The following SYNPR variants were observed in gnomAD, a reference collection of about 807,000 sequenced individuals.
SYNPR encodes synaptoporin.
In SYNPR, 23 loss-of-function variants were observed where a neutral mutation model predicts 32.9. The observed-to-expected ratio is 0.70, with a 90% CI of 0.50 to 0.99. The LOEUF is 0.99. Among genes scored for constraint, SYNPR ranks in the 50% least tolerant of loss-of-function variants. The pLI, the probability that SYNPR is intolerant of heterozygous loss-of-function variation, is 0.00. For synonymous variants in SYNPR, 146 were observed against 135.9 expected (o/e 1.07, Z -0.52); for missense variants, 318 against 349.3 (o/e 0.91, Z 0.71).
intron 2 of SYNPR, among the ~76,000 whole-genome samples, chr3:63,410,571 G>A (rs953458732): frequency 3.3e-5 from 5 of 152,120 alleles, no homozygotes; most frequent in Admixed American, 6.6e-5. Flanking sequence ...CATTGGTCAT[G>A]TTTTCCCTCA....
intron 5 of SYNPR, among the ~76,000 whole-genome samples, chr3:63,612,114 A>T (rs1207348497): frequency 1.3e-5 from 2 of 152,198 alleles, no homozygotes; most frequent in Admixed American, 1.3e-4. Context: ...CAGATACTAC[A>T]AATACTGGGA....
At chr3:63,316,703 CTTTTGTA>C (rs1309077701) in intron 2 of SYNPR, among the ~76,000 whole-genome samples, 1 of 151,604 alleles carries the variant, frequency 6.6e-6, no homozygotes, top group Non-Finnish European at 1.5e-5. Context: ...TTTCATTTAT[CTTTTGTA>C]TTTTTTGCTT....
At chr3:63,312,016 C>T (rs901196369) in intron 2 of SYNPR, among the ~76,000 whole-genome samples, 42 of 151,818 alleles carry the variant, frequency 2.8e-4, no homozygotes, top group African/African-American at 8.9e-4. Context: ...ACAGGATGGT[C>T]CCTTTTAGAA....
At chr3:63,431,824 G>A (rs554927019) in intron 2 of SYNPR, among the ~76,000 whole-genome samples, 59 of 135,014 alleles carry the variant, frequency 4.4e-4, no homozygotes, top group African/African-American at 1.6e-3. Flanking sequence ...AAAAGTCATA[G>A]TTTCCCTTTT....
chr3:63,205,684 C>G, the SYNPR span, among the ~76,000 whole-genome samples: 1 of 152,224 alleles, frequency 6.6e-6, no homozygotes, highest in East Asian at 1.9e-4. Context: ...TATTATTCAG[C>G]TGATCTCTGA....
intron 2 of SYNPR, among the ~76,000 whole-genome samples, chr3:63,369,291 A>AGGCTCTCC (rs1553873706): frequency 0.057 from 8,650 of 152,192 alleles, 453 homozygotes; most frequent in East Asian, 0.2. Context: ...CAGCCTCCAG[A>AGGCTCTCC]ACTCTGAGAA....
rs565222018 is a variant in SYNPR, at chr3:63,253,146, C to T, written n.154+560C>T. On this transcript the variant is annotated intron_variant and non_coding_transcript_variant, in intron 2 of 4. Coordinates refer to the SYNPR transcript ENST00000478456. ...ATAGAACTGTTTTTAGAGTTTATGG[C>T]ACATTCTTTTGAATGTTCAGATGCC... Among the ~76,000 whole-genome samples, 3 of 151,952 alleles carry T rather than the reference C, an allele frequency of 2.0e-5. No homozygotes were observed. In the South Asian group the frequency reaches 6.2e-4, roughly 32 times the overall value.
At chr3:63,360,578 A>T (rs2087643960) in intron 2 of SYNPR, among the ~76,000 whole-genome samples, 1 of 152,168 alleles carries the variant, frequency 6.6e-6, no homozygotes, top group South Asian at 2.1e-4. Context: ...GACACTAGCT[A>T]CATCTCCAAA....
chr3:63,241,878 GT>G (rs1437540078), intron 1 of SYNPR, among the ~76,000 whole-genome samples: 1 of 152,044 alleles, frequency 6.6e-6, no homozygotes, highest in Non-Finnish European at 1.5e-5. Context: ...AATTTAAAAA[GT>G]TTTTGGATCA....
In SYNPR at chr3:63,585,457, C is replaced by CG. The variant is rs67967375; in HGVS notation, c.409-23668_409-23667insG. On this transcript the variant is annotated intron_variant, in intron 4 of 5. Coordinates refer to ENST00000478300, the MANE Select transcript of SYNPR (RefSeq NM_001130003.2). ...TCCTTCTGTATATCCATGCCCCCCCCCTCCGCCCCGCACCCACCACACACA... is the reference window on the plus strand; with the variant it reads ...TCCTTCTGTATATCCATGCCCCCCCCGCTCCGCCCCGCACCCACCACACACA... Among the ~76,000 whole-genome samples the CG allele has an allele frequency of 1.3e-4, 11 of 81,748 alleles. 1 individual carries two copies. Among genetic ancestry groups the CG allele is most frequent in the South Asian group, 8.3e-4 (3 of 3,612 alleles). The allele number at this position is 81,748 out of a possible 152,430, so 53.6% of individuals were successfully genotyped here. A position where few individuals can be genotyped will look rare whatever the true frequency, so the allele number is the denominator to read the frequency against.
chr3:63,432,811 A>G (rs961885711), intron 2 of SYNPR, among the ~76,000 whole-genome samples: 7 of 152,204 alleles, frequency 4.6e-5, no homozygotes, highest in African/African-American at 1.7e-4. Flanking sequence ...ACCTTGTGTG[A>G]CAAGTTATGG....
chr3:63,421,534 A>C (rs1699798531), intron 2 of SYNPR, among the ~76,000 whole-genome samples: 1 of 152,062 alleles, frequency 6.6e-6, no homozygotes. Flanking sequence ...AAATCTAAAA[A>C]ATGAAAATTA....
intron 4 of SYNPR, among the ~76,000 whole-genome samples, chr3:63,595,801 T>TTA (rs10616514): frequency 5.2e-5 from 2 of 38,348 alleles, no homozygotes; most frequent in Non-Finnish European, 9.0e-5. Context: ...ATATATATAG[T>TTA]TATATATATA....
At chr3:63,603,170 C>T (rs1700069500) in intron 4 of SYNPR, among the ~76,000 whole-genome samples, 8 of 152,140 alleles carry the variant, frequency 5.3e-5, no homozygotes, top group Admixed American at 5.2e-4. Context: ...TATGGAAATG[C>T]TACTGATATT....
chr3:63,552,597 A>C (rs1702522206), intron 3 of SYNPR, among the ~76,000 whole-genome samples: 1 of 152,200 alleles, frequency 6.6e-6, no homozygotes, highest in Non-Finnish European at 1.5e-5. Flanking sequence ...TGAGCTAAGC[A>C]TACCTCTAGA....
chr3:63,321,964 A>G (rs1296495056), intron 2 of SYNPR, among the ~76,000 whole-genome samples: 1 of 152,026 alleles, frequency 6.6e-6, no homozygotes, highest in Non-Finnish European at 1.5e-5. Context: ...CAAGTTTGAA[A>G]TTGTAACTGT....
upstream of SYNPR, among the ~76,000 whole-genome samples, chr3:63,227,846 C>T (rs576835587): frequency 6.6e-6 from 1 of 152,196 alleles, no homozygotes; most frequent in East Asian, 1.9e-4. Context: ...CTTCTAACTC[C>T]AAGAGTTAGA....
At chr3:63,209,515 C>T in the SYNPR span, among the ~76,000 whole-genome samples, 20 of 152,206 alleles carry the variant, frequency 1.3e-4, no homozygotes, top group South Asian at 4.2e-3. Context: ...CATTATCAGC[C>T]TTCAAAAACC....
chr3:63,413,370 A>G (rs979179118), intron 2 of SYNPR, among the ~76,000 whole-genome samples: 3 of 152,206 alleles, frequency 2.0e-5, no homozygotes, highest in African/African-American at 7.2e-5. Context: ...CAATGAGACT[A>G]TTAACGTAAA....
Sources: allele counts gnomAD v4.1 joint callset (sites outside exome capture counted in the v4.1 genomes callset), GRCh38; gene constraint gnomAD v4.1.1; transcripts MANE v1.5; gene names NCBI Gene and HGNC (gene_info 2026-07-23, HGNC 2026-07-21).